Variants in TECPR2 observed in about 807,000 individuals in gnomAD.
The protein encoded by TECPR2 is tectonin beta-propeller repeat containing 2.
A neutral mutation model predicts 138.1 loss-of-function variants in TECPR2; 65 were observed. The observed-to-expected ratio is 0.47, with a 90% CI of 0.39 to 0.58. TECPR2 has a LOEUF of 0.58. Ranked by LOEUF, TECPR2 falls within the 20% of genes least tolerant of loss-of-function variation. TECPR2 has a pLI of 0.00. For synonymous variants in TECPR2, 746 were observed against 749.8 expected, an observed-to-expected ratio of 0.99 and a Z score of 0.08; for missense variants, 1,553 against 1,824.5, an observed-to-expected ratio of 0.85 and a Z score of 2.71.
chr14:102,390,490 A>G (rs1888139546), intron 2 of TECPR2, among the ~76,000 whole-genome samples: 1 of 152,190 alleles, frequency 6.6e-6, no homozygotes, highest in Admixed American at 6.6e-5. Flanking sequence ...CCTGGCTAGA[A>G]TAAGACTGAA....
intron 8 of TECPR2, among the ~76,000 whole-genome samples, chr14:102,433,787 G>T (rs186010924): frequency 1.3e-5 from 2 of 152,264 alleles, no homozygotes; most frequent in Admixed American, 1.3e-4. Context: ...CTCCCAAAGT[G>T]CTAGGATGGC....
chr14:102,399,831 A>G (rs532053003), intron 2 of TECPR2, among the ~76,000 whole-genome samples: 2 of 152,152 alleles, frequency 1.3e-5, no homozygotes, highest in African/African-American at 4.8e-5. Context: ...CTCCGTCTCA[A>G]AAAAAGAAAT....
rs1038045085 is a variant in TECPR2, at chr14:102,477,357, G to A, written c.3789+12068G>A. ...TGCACTCCAGCCTGGGCAACAGAGC[G>A]AGACTCCGTCTCAAAAAAAAAAAAA... is the stretch of plus-strand genomic sequence containing the variant. On this transcript the variant is annotated intron_variant, in intron 17 of 19. Coordinates refer to ENST00000359520, the MANE Select transcript of TECPR2 (RefSeq NM_014844.5). 7.0e-4 allele frequency among the ~76,000 whole-genome samples: 105 copies of A among 149,834 alleles called. 1 individual carries two copies. Among genetic ancestry groups the A allele is most frequent in the African/African-American group, 2.5e-3 (100 of 40,738 alleles).
intron 12 of TECPR2, among the ~76,000 whole-genome samples, chr14:102,445,232 G>C (rs1293050288): frequency 6.6e-6 from 1 of 152,220 alleles, no homozygotes; most frequent in Non-Finnish European, 1.5e-5. Flanking sequence ...ATGGAAGGAG[G>C]GGGAGGGCGT....
chr14:102,476,938 G>A (rs1054189932), intron 17 of TECPR2, among the ~76,000 whole-genome samples: 1 of 152,194 alleles, frequency 6.6e-6, no homozygotes, highest in Non-Finnish European at 1.5e-5. Flanking sequence ...AGCTGCTCAA[G>A]AAGCTGAGGT....
chr14:102,487,833 G>A (rs1005980887), intron 17 of TECPR2, among the ~76,000 whole-genome samples: 7 of 148,748 alleles, frequency 4.7e-5, no homozygotes, highest in African/African-American at 1.7e-4. Flanking sequence ...GAGCCACCAC[G>A]CCCGGCCTGT....
chr14:102,373,840 G>T (rs1199304065), intron 1 of TECPR2, among the ~76,000 whole-genome samples: 2 of 151,990 alleles, frequency 1.3e-5, no homozygotes, highest in Non-Finnish European at 1.5e-5. Context: ...CAGCACTTTG[G>T]GAGACTCAGA....
At chr14:102,497,464 C>T (rs916640511) in intron 18 of TECPR2, 106 bp from the exon 19 acceptor site, 15 of 1,372,700 alleles carry the variant, frequency 1.1e-5, no homozygotes, top group African/African-American at 1.5e-5. Context: ...ACTCCGTCCC[C>T]GCAGGGACCC....
At chr14:102,413,661 G>C (rs1345264218) in intron 4 of TECPR2, among the ~76,000 whole-genome samples, 2 of 152,026 alleles carry the variant, frequency 1.3e-5, no homozygotes, top group East Asian at 3.9e-4. Context: ...TTACAAGTGT[G>C]AGCCACTGCA....
At chr14:102,457,274 G>A (rs1239637738) in intron 16 of TECPR2, among the ~76,000 whole-genome samples, 7 of 151,958 alleles carry the variant, frequency 4.6e-5, no homozygotes, top group African/African-American at 1.2e-4. Flanking sequence ...TAGTAGAGAC[G>A]GGGTTTCACC....
chr14:102,485,813 A>G (rs1423788650), intron 17 of TECPR2, among the ~76,000 whole-genome samples: 2 of 152,170 alleles, frequency 1.3e-5, no homozygotes, highest in African/African-American at 2.4e-5. Context: ...CTGTCTGTAG[A>G]GTCAGCCACA....
intron 2 of TECPR2, among the ~76,000 whole-genome samples, chr14:102,380,340 A>C (rs1887767732): frequency 6.6e-6 from 1 of 152,270 alleles, no homozygotes. Flanking sequence ...TGGATTTCTC[A>C]TCAGAAACTG....
At chr14:102,416,039 G>C (rs544964608) in intron 5 of TECPR2, among the ~76,000 whole-genome samples, 1 of 152,334 alleles carries the variant, frequency 6.6e-6, no homozygotes, top group African/African-American at 2.4e-5. Context: ...TTTTCTGCAT[G>C]GCAGCCCTCC....
rs1290503936 is a variant in TECPR2 at position 102,502,199 on chromosome 14, G to A, written c.*3942G>A. ...TCCCGGGCATGGTCATGAAAGCGTG[G>A]TTCTGTAAGAAATCAGAGGGAGAAA... On this transcript the variant is annotated 3_prime_UTR_variant, in exon 20 of 20. Transcript: ENST00000359520. 3 of 152,392 alleles carry A rather than the reference G, an allele frequency of 2.0e-5. No individual in the cohort carries two copies. Among genetic ancestry groups the A allele is most frequent in the Non-Finnish European group, 2.9e-5 (2 of 68,056 alleles). 9.4% of individuals were successfully genotyped at this position (152,392 alleles called of 1,614,324 possible). A position where few individuals can be genotyped will look rare whatever the true frequency, so the allele number is the denominator to read the frequency against.
chr14:102,405,139 C>T (rs1361127898), intron 2 of TECPR2, among the ~76,000 whole-genome samples: 1 of 151,880 alleles, frequency 6.6e-6, no homozygotes, highest in African/African-American at 2.4e-5. Flanking sequence ...GAAACTCTGT[C>T]TCTACTAAAA....
chr14:102,431,406 A>C (rs62008781), intron 7 of TECPR2, among the ~76,000 whole-genome samples: 46 of 139,964 alleles, frequency 3.3e-4, no homozygotes, highest in African/African-American at 1.2e-3. Context: ...GCAGTGGCGC[A>C]ATCTCGGCTC....
chr14:102,487,884 G>A (rs1421823931), intron 17 of TECPR2, among the ~76,000 whole-genome samples: 5 of 133,822 alleles, frequency 3.7e-5, no homozygotes, highest in South Asian at 4.7e-4. Flanking sequence ...TCTTGTTGCC[G>A]AGGCTGGAGT....
intron 17 of TECPR2, among the ~76,000 whole-genome samples, chr14:102,484,175 C>T (rs562333338): frequency 3.3e-5 from 5 of 152,160 alleles, no homozygotes; most frequent in Middle Eastern, 3.4e-3. Flanking sequence ...TCTTTTTATG[C>T]TTTTATCCTG....
At chr14:102,446,147 G>C (rs1367959738) in intron 13 of TECPR2, among the ~76,000 whole-genome samples, 200 bp downstream of exon 13, 1 of 152,206 alleles carries the variant, frequency 6.6e-6, no homozygotes, top group East Asian at 1.9e-4. Context: ...GCTCACTGCA[G>C]TCTTGACTTC....
Sources: allele counts gnomAD v4.1 joint callset (sites outside exome capture counted in the v4.1 genomes callset), GRCh38; gene constraint gnomAD v4.1.1; transcripts MANE v1.5; gene names NCBI Gene and HGNC (gene_info 2026-07-23, HGNC 2026-07-21).